The following PRKN variants were observed in gnomAD, a reference collection of about 807,000 sequenced individuals.
PRKN encodes parkin RBR E3 ubiquitin protein ligase.
PRKN carries 56 observed loss-of-function variants against 59.5 expected under a neutral mutation model. The ratio of observed to expected loss-of-function variants is 0.94; its 90% CI spans 0.76 to 1.18. The LOEUF (loss-of-function observed/expected upper bound fraction) is 1.18. PRKN is among the 50% of genes most tolerant of loss of function. The pLI is 0.00. For synonymous variants in PRKN, 250 were observed against 222.1 expected (o/e 1.13, Z -1.12); for missense variants, 657 against 596.4 (o/e 1.10, Z -1.06).
chr6:161,500,915 G>A (rs541073271), intron 9 of PRKN, among the ~76,000 whole-genome samples: 28 of 127,738 alleles, frequency 2.2e-4, no homozygotes, highest in East Asian at 6.7e-4. Context: ...TCCCTCTGTC[G>A]CCCGGGCTGG....
chr6:161,746,405 G>C (rs911916113), intron 7 of PRKN, among the ~76,000 whole-genome samples: 10 of 151,772 alleles, frequency 6.6e-5, no homozygotes, highest in Non-Finnish European at 1.5e-4. Context: ...AATTGGCTGG[G>C]TCTAAGTCCA....
chr6:161,687,663 G>T (rs927750638), intron 7 of PRKN, among the ~76,000 whole-genome samples: 2 of 151,548 alleles, frequency 1.3e-5, no homozygotes, highest in Non-Finnish European at 2.9e-5. Flanking sequence ...CACCATATTG[G>T]CCAGGCTGGT....
intron 1 of PRKN, among the ~76,000 whole-genome samples, chr6:162,527,790 G>A (rs1304596997): frequency 6.6e-6 from 1 of 152,018 alleles, no homozygotes; most frequent in Non-Finnish European, 1.5e-5. Flanking sequence ...TTCCCATCAG[G>A]CGCTTTACAT....
intron 1 of PRKN, among the ~76,000 whole-genome samples, chr6:162,605,477 T>A (rs1781874733): frequency 6.6e-6 from 1 of 152,120 alleles, no homozygotes; most frequent in South Asian, 2.1e-4. Context: ...TTAAATAAAT[T>A]AATTTAAAAC....
chr6:161,433,521 T>C (rs1482224387), intron 9 of PRKN, among the ~76,000 whole-genome samples: 2 of 152,132 alleles, frequency 1.3e-5, no homozygotes, highest in East Asian at 3.9e-4. Context: ...GGATGACCAA[T>C]AAAATATTTT....
At chr6:161,811,102 T>A (rs564843223) in intron 6 of PRKN, among the ~76,000 whole-genome samples, 55 of 152,266 alleles carry the variant, frequency 3.6e-4, no homozygotes, top group Non-Finnish European at 3.7e-4. Context: ...ACTCTAAAAT[T>A]TATATGGAAA....
chr6:162,382,207 C>T (rs535005779), intron 2 of PRKN, among the ~76,000 whole-genome samples: 90 of 152,132 alleles, frequency 5.9e-4, no homozygotes, highest in Non-Finnish European at 1.0e-3. Context: ...TCCATCTCAG[C>T]CAAAACAAAT....
At chr6:162,055,881 C>G (rs1777836392) in intron 4 of PRKN, among the ~76,000 whole-genome samples, 1 of 152,042 alleles carries the variant, frequency 6.6e-6, no homozygotes, top group African/African-American at 2.4e-5. Context: ...TCACAGCCAC[C>G]CCTGCCAGTC....
Position 161,951,211 on chromosome 6 carries a change from A to T in PRKN, c.734+22091T>A, listed in dbSNP as rs73604898. Among the ~76,000 whole-genome samples, 1,054 of 152,220 alleles carry T rather than the reference A, an allele frequency of 6.9e-3. 17 individuals carry two copies. The highest frequency in any genetic ancestry group is 0.023 in the African/African-American group (970 of 41,522). ...CTTGATAATTAAAATACGAAACAGT[A>T]TGGCAAGACAGGCTGGGGAACTCCA... On this transcript the variant is annotated intron_variant, in intron 6 of 11. Transcript: ENST00000366898.
At position 162,032,809 on chromosome 6, in the gene PRKN, T is replaced by C. The variant is rs1033723546; in HGVS notation, c.618+21282A>G. On this transcript the variant is annotated intron_variant, in intron 5 of 11. Coordinates refer to ENST00000366898, the MANE Select transcript of PRKN (RefSeq NM_004562.3). ...TGTGTGGCAGAATGAGAAACCACAC[T>C]TACAGTGGTATCCTCATCACTCTTC... 2.0e-5 allele frequency among the ~76,000 whole-genome samples: 3 copies of C among 152,190 alleles called. No individual in the cohort carries two copies. The South Asian group carries it at 6.2e-4, about 31-fold the overall frequency.
chr6:162,218,707 T>C (rs1777806235), intron 3 of PRKN, among the ~76,000 whole-genome samples: 1 of 152,038 alleles, frequency 6.6e-6, no homozygotes, highest in Non-Finnish European at 1.5e-5. Flanking sequence ...TGGGGTGACA[T>C]TGAGACAGTG....
rs1582891750 is a variant in PRKN at position 161,613,790 on chromosome 6, C to T, written c.872-44374G>A. Among the ~76,000 whole-genome samples the T allele has an allele frequency of 2.6e-5, 4 of 152,300 alleles. 1 individual carries two copies. In the South Asian group the frequency reaches 8.3e-4, roughly 32 times the overall value. On this transcript the variant is annotated intron_variant, in intron 7 of 11. Transcript: ENST00000366898. ...GAGGTATGTCAGTATTCATTTTCTA[C>T]TGCCATTATAATAAATCACCATAAA...
chr6:162,614,753 T>C (rs1182714206), intron 1 of PRKN, among the ~76,000 whole-genome samples: 2 of 152,156 alleles, frequency 1.3e-5, no homozygotes, highest in African/African-American at 4.8e-5. Context: ...CTCTAATTGA[T>C]GAAAACTCAA....
At chr6:161,628,308 A>G (rs1783169795) in intron 7 of PRKN, among the ~76,000 whole-genome samples, 1 of 152,228 alleles carries the variant, frequency 6.6e-6, no homozygotes, top group Non-Finnish European at 1.5e-5. Context: ...TATTTCTCCA[A>G]GTCTGGAGGT....
intron 5 of PRKN, among the ~76,000 whole-genome samples, chr6:162,019,553 G>A (rs1189009864): frequency 2.0e-5 from 3 of 152,174 alleles, no homozygotes; most frequent in African/African-American, 4.8e-5. Context: ...TTGCGCTGAT[G>A]TGTAATTAAT....
At chr6:162,725,133 CA>C (rs1779088268) in intron 1 of PRKN, among the ~76,000 whole-genome samples, 1 of 152,216 alleles carries the variant, frequency 6.6e-6, no homozygotes, top group South Asian at 2.1e-4. Context: ...TGAGTACACT[CA>C]ATAAAGATTC....
At chr6:161,569,030 A>G (rs138161200) in intron 8 of PRKN, among the ~76,000 whole-genome samples, 13 of 151,764 alleles carry the variant, frequency 8.6e-5, no homozygotes, top group African/African-American at 1.7e-4. Flanking sequence ...AGGAATGTCT[A>G]TGACCATCGA....
chr6:162,055,103 A>C (rs1290268327), intron 4 of PRKN, among the ~76,000 whole-genome samples: 3 of 152,200 alleles, frequency 2.0e-5, no homozygotes. Flanking sequence ...CAGAGGTGGC[A>C]GTGAGCCGAG....
At chr6:161,977,125 T>C (rs1781062594) in intron 5 of PRKN, among the ~76,000 whole-genome samples, 1 of 152,220 alleles carries the variant, frequency 6.6e-6, no homozygotes, top group African/African-American at 2.4e-5. Context: ...AGTACTAGAA[T>C]AACTGGCAAG....
Sources: allele counts gnomAD v4.1 joint callset (sites outside exome capture counted in the v4.1 genomes callset), GRCh38; gene constraint gnomAD v4.1.1; transcripts MANE v1.5; gene names NCBI Gene and HGNC (gene_info 2026-07-23, HGNC 2026-07-21).